Variants in PCDHGA12 observed in about 807,000 individuals in gnomAD.
PCDHGA12 encodes protocadherin gamma subfamily A, 12.
PCDHGA12 carries 43 observed loss-of-function variants against 61.1 expected under a neutral mutation model. The observed-to-expected ratio is 0.70, with a 90% CI of 0.55 to 0.91. PCDHGA12 has a LOEUF of 0.91. PCDHGA12 is among the 40% of genes least tolerant of loss of function. The pLI is 0.00. For missense variants in PCDHGA12, 1,236 were observed against 1,227.7 expected (o/e 1.01, Z -0.10); for synonymous variants, 520 against 542.9 (o/e 0.96, Z 0.59).
At chr5:141,498,971 GGGAAGGAAGGAAGGAAGGAA>G (rs201769957) in intron 2 of PCDHGA12, among the ~76,000 whole-genome samples, 1,566 of 111,048 alleles carry the variant, frequency 0.014, 32 homozygotes, top group African/African-American at 0.048. Flanking sequence ...GAGGGAGGGA[GGGAAGGAAGGAAGGAAGGAA>G]GGAAGGAAGG....
chr5:141,494,537 G>C (rs2099755111), intron 1 of PCDHGA12, among the ~76,000 whole-genome samples: 1 of 152,168 alleles, frequency 6.6e-6, no homozygotes, highest in Non-Finnish European at 1.5e-5. Flanking sequence ...TGGGGGCAGG[G>C]AGGAAGGGGC....
In PCDHGA12 at chr5:141,477,532, C is replaced by T. The variant is rs754570150; in HGVS notation, c.2425-17275C>T. On this transcript the variant is annotated intron_variant, in intron 1 of 3. Transcript: ENST00000252085. This position sits in a 1 kb window ranked among gnomAD's most constrained non-coding sequence, Gnocchi z 4.9. ...TTTACATTGAAGAAAACAACCTCCC[C>T]GGGGCTCCAATACTAAACCTAAGTG... 2.5e-6 allele frequency: 4 copies of T among 1,614,028 alleles called. No individual in the cohort carries two copies. Among genetic ancestry groups the T allele is most frequent in the Admixed American group, 1.7e-5 (1 of 60,000 alleles).
At position 141,491,856 on chromosome 5, in the gene PCDHGA12, C is replaced by T; in HGVS notation, c.2425-2951C>T. 1.4e-6 allele frequency: 2 copies of T among 1,458,728 alleles called. No individual in the cohort carries two copies. Among genetic ancestry groups the T allele is most frequent in the Non-Finnish European group, 1.8e-6 (2 of 1,103,072 alleles). 90.4% of individuals were successfully genotyped at this position (1,458,728 alleles called of 1,614,324 possible). A position where few individuals can be genotyped will look rare whatever the true frequency, so the allele number is the denominator to read the frequency against. ...TCTCGGGATCATTGGACCGTTTGCG[C>T]GAAACCAGAGTGGCCGATTAAGGGA... On this transcript the variant is annotated intron_variant, in intron 1 of 3. Coordinates refer to ENST00000252085, the MANE Select transcript of PCDHGA12 (RefSeq NM_003735.3). The surrounding 1 kb of genome is among the most constrained non-coding windows in gnomAD (Gnocchi z 6.9).
intron 3 of PCDHGA12, among the ~76,000 whole-genome samples, chr5:141,505,861 C>A (rs115699706): frequency 0.034 from 5,102 of 152,242 alleles, 131 homozygotes; most frequent in Admixed American, 0.057. Flanking sequence ...GGGACAGGGA[C>A]CCCAAAGGGT....
chr5:141,430,622 A>T lies in PCDHGA12; in HGVS notation c.-138A>T. On this transcript the variant is annotated 5_prime_UTR_variant, in exon 1 of 4. Coordinates refer to ENST00000252085, the MANE Select transcript of PCDHGA12 (RefSeq NM_003735.3). ...CTGAAGCACAAAGCAGATAGCTAGG[A>T]ATGAACCATCCCTGGGAGTATGTGG... 1 of 752,270 alleles carries T rather than the reference A, an allele frequency of 1.3e-6. No individual in the cohort carries two copies. The highest frequency in any genetic ancestry group is 2.9e-5 in the Admixed American group (1 of 34,702). 46.6% of individuals were successfully genotyped at this position (752,270 alleles called of 1,614,324 possible).
rs1028782991 is a variant in PCDHGA12, at chr5:141,503,926, C to T, written c.2484-1467C>T. 2.6e-5 allele frequency among the ~76,000 whole-genome samples: 4 copies of T among 152,196 alleles called. No individual in the cohort carries two copies. The East Asian group carries it at 7.7e-4, about 29-fold the overall frequency. ...ACACACAACGCAACACACACACAGA[C>T]ATTTTCATGCCTTCAAGGCCTACCC... On this transcript the variant is annotated intron_variant, in intron 2 of 3. Coordinates refer to ENST00000252085, the MANE Select transcript of PCDHGA12 (RefSeq NM_003735.3).
At chr5:141,474,847 GC>G (rs1357496937) in intron 1 of PCDHGA12, among the ~76,000 whole-genome samples, 1 of 152,198 alleles carries the variant, frequency 6.6e-6, no homozygotes, top group East Asian at 1.9e-4. Context: ...CACTTTACCT[GC>G]CTTCTTCATT....
chr5:141,432,753 C>G lies in PCDHGA12; in HGVS notation c.1994C>G (p.Ala665Gly). The part of the protein sequence containing the change: ...SATVTLTVAV[A>G]DSIPQVLADL... ...ACTGTCACGCTCACCGTGGCCGTGGCCGACAGCATCCCCCAAGTCCTGGCG... is the reference window on the plus strand; with the variant it reads ...ACTGTCACGCTCACCGTGGCCGTGGGCGACAGCATCCCCCAAGTCCTGGCG... The change falls in exon 1 of 4, where the codon GCC becomes GGC. Residue 665 changes from alanine to glycine, a missense_variant. By Grantham distance (60) the Ala-to-Gly change is moderately conservative. Coordinates refer to ENST00000252085, the MANE Select transcript of PCDHGA12 (RefSeq NM_003735.3). The surrounding 1 kb of genome is among the most constrained non-coding windows in gnomAD (Gnocchi z 6.0). 1 of 1,614,138 alleles carries G rather than the reference C, an allele frequency of 6.2e-7. No individual in the cohort carries two copies. The highest frequency in any genetic ancestry group is 8.5e-7 in the Non-Finnish European group (1 of 1,179,996).
Position 141,491,274 on chromosome 5 carries a change from T to C in PCDHGA12, c.2425-3533T>C, listed in dbSNP as rs2099710140. On this transcript the variant is annotated intron_variant, in intron 1 of 3. Transcript: ENST00000252085. The surrounding 1 kb of genome is among the most constrained non-coding windows in gnomAD (Gnocchi z 6.9). ...ACCCTGAGGAAATGCCCAAATCCAG[T>C]GACTTCCTCATACACCCTCCTGAGC... The C allele has an allele frequency of 6.2e-7, 1 of 1,614,102 alleles. No individual in the cohort carries two copies. Among genetic ancestry groups the C allele is most frequent in the Non-Finnish European group, 8.5e-7 (1 of 1,179,914 alleles).
intron 1 of PCDHGA12, among the ~76,000 whole-genome samples, chr5:141,467,254 T>C (rs1291193879): frequency 2.0e-5 from 3 of 152,248 alleles, no homozygotes; most frequent in Admixed American, 6.5e-5. Flanking sequence ...GGTTTCACCA[T>C]GTTGGCCAGG....
chr5:141,508,867 G>A (rs2099872497), intron 3 of PCDHGA12, among the ~76,000 whole-genome samples: 1 of 152,108 alleles, frequency 6.6e-6, no homozygotes. Flanking sequence ...GGGAAAGGCT[G>A]AAGAGGCTGA....
In PCDHGA12 at chr5:141,486,853, C is replaced by T. The variant is rs1401626024; in HGVS notation, c.2425-7954C>T. The stretch of plus-strand genomic sequence containing the variant: ...GTCTATTTGTGCTGGACCTCAATGA[C>T]AATGCTCCAGCTGTGCTCCGTCCTC... On this transcript the variant is annotated intron_variant, in intron 1 of 3. Coordinates refer to ENST00000252085, the MANE Select transcript of PCDHGA12 (RefSeq NM_003735.3). This position sits in a 1 kb window ranked among gnomAD's most constrained non-coding sequence, Gnocchi z 5.0. 6.2e-7 allele frequency: 1 copy of T among 1,614,244 alleles called. No individual in the cohort carries two copies. The highest frequency in any genetic ancestry group is 2.2e-5 in the East Asian group (1 of 44,886).
At position 141,485,073 on chromosome 5, in the gene PCDHGA12, C is replaced by T. The variant is rs1167407526; in HGVS notation, c.2425-9734C>T. ...CGGCCGAACCGCGCCAGAGCTGGCG[C>T]GGGGAAAGGGAGATAGGTGTCTCCA... On this transcript the variant is annotated intron_variant, in intron 1 of 3. Transcript: ENST00000252085. The surrounding 1 kb of genome is among the most constrained non-coding windows in gnomAD (Gnocchi z 5.7). 3.3e-6 allele frequency: 3 copies of T among 922,354 alleles called. No homozygotes were observed. The highest frequency in any genetic ancestry group is 4.8e-5 in the East Asian group (2 of 41,404). 57.1% of individuals were successfully genotyped at this position (922,354 alleles called of 1,614,324 possible).
intron 1 of PCDHGA12, among the ~76,000 whole-genome samples, chr5:141,472,136 A>T (rs1172420221): frequency 1.1e-4 from 17 of 152,262 alleles, no homozygotes; most frequent in Non-Finnish European, 2.5e-4. Flanking sequence ...AGTTAAAAAT[A>T]AAAGTTTCAT....
chr5:141,490,941 A>G lies in PCDHGA12; in HGVS notation c.2425-3866A>G. The G allele has an allele frequency of 6.2e-7, 1 of 1,613,628 alleles. No homozygotes were observed. The highest frequency in any genetic ancestry group is 8.5e-7 in the Non-Finnish European group (1 of 1,179,772). On this transcript the variant is annotated intron_variant, in intron 1 of 3. Coordinates refer to ENST00000252085, the MANE Select transcript of PCDHGA12 (RefSeq NM_003735.3). The surrounding 1 kb of genome is among the most constrained non-coding windows in gnomAD (Gnocchi z 5.4). ...ATAATGCCCCAGCTGTGCTGCACCC[A>G]CGGCCAGACTGGGAACACTCAGCCC... is the stretch of plus-strand genomic sequence containing the variant.
chr5:141,474,291 AGT>A (rs1191263215), intron 1 of PCDHGA12, among the ~76,000 whole-genome samples: 1 of 152,210 alleles, frequency 6.6e-6, no homozygotes, highest in Admixed American at 6.5e-5. Flanking sequence ...CCACTAGATC[AGT>A]GCTTGTCAAA....
intron 1 of PCDHGA12, among the ~76,000 whole-genome samples, chr5:141,460,104 T>C (rs2098982178): frequency 6.6e-6 from 1 of 151,986 alleles, no homozygotes; most frequent in African/African-American, 2.4e-5. Flanking sequence ...CATGTAATTA[T>C]ATATGATTTT....
At chr5:141,456,312 G>A (rs1036961015) in intron 1 of PCDHGA12, among the ~76,000 whole-genome samples, 2 of 152,126 alleles carry the variant, frequency 1.3e-5, no homozygotes, top group African/African-American at 4.8e-5. Flanking sequence ...AGCAGCTAGG[G>A]CTCCTCCTGG....
intron 1 of PCDHGA12, among the ~76,000 whole-genome samples, chr5:141,492,530 C>A (rs1595123138): frequency 1.3e-5 from 2 of 152,246 alleles, no homozygotes; most frequent in South Asian, 2.1e-4. Flanking sequence ...CCCACCTGCG[C>A]CCCGGGCTGG....
Sources: gnomAD v4.1 joint callset for allele counts (sites outside exome capture counted in the v4.1 genomes callset) on GRCh38, gnomAD v4.1.1 for gene constraint, Gnocchi (gnomAD v3.1) non-coding constraint, MANE v1.5 for transcripts, NCBI Gene and HGNC (gene_info 2026-07-23, HGNC 2026-07-21) for gene names.